The following NCKAP5 variants were observed in gnomAD, a reference collection of about 807,000 sequenced individuals.
The protein encoded by NCKAP5 is nck-associated protein 5.
In NCKAP5, 92 loss-of-function variants were observed where a neutral mutation model predicts 167.0. That is an observed-to-expected ratio of 0.55 (90% confidence interval 0.47 to 0.66). NCKAP5 has a LOEUF of 0.66. Among genes scored for constraint, NCKAP5 ranks in the 30% least tolerant of loss-of-function variants. The probability of loss-of-function intolerance (pLI) is 0.00; values close to 1 mark genes in which losing one functional copy is unlikely to be tolerated. For synonymous variants in NCKAP5, 891 were observed against 877.4 expected (o/e 1.02, Z -0.27); for missense variants, 2,378 against 2,315.0 (o/e 1.03, Z -0.56).
chr2:133,265,472 G>C (rs2089148838), intron 4 of NCKAP5, among the ~76,000 whole-genome samples: 1 of 152,226 alleles, frequency 6.6e-6, no homozygotes, highest in Non-Finnish European at 1.5e-5. Flanking sequence ...GCAGCAGAGA[G>C]GGCCTTGCAC....
intron 3 of NCKAP5, among the ~76,000 whole-genome samples, chr2:133,329,347 A>C (rs1682674389): frequency 6.6e-6 from 1 of 152,166 alleles, no homozygotes; most frequent in African/African-American, 2.4e-5. Context: ...AAGAAGAGGG[A>C]GTACCAAGCA....
chr2:133,059,703 A>G (rs1356990237), intron 6 of NCKAP5, among the ~76,000 whole-genome samples: 1 of 151,988 alleles, frequency 6.6e-6, no homozygotes, highest in Non-Finnish European at 1.5e-5. Context: ...AAGAAAAAGA[A>G]AAAAAAGGTA....
At chr2:132,729,611 G>A (rs994751833) in intron 17 of NCKAP5, among the ~76,000 whole-genome samples, 2 of 152,200 alleles carry the variant, frequency 1.3e-5, no homozygotes, top group African/African-American at 4.8e-5. Flanking sequence ...CAAGCTCCCA[G>A]GTGATGCTGA....
At chr2:133,447,065 A>G (rs760910334) in intron 3 of NCKAP5, among the ~76,000 whole-genome samples, 7 of 152,182 alleles carry the variant, frequency 4.6e-5, no homozygotes, top group Non-Finnish European at 7.3e-5. Context: ...TAGTGACTCT[A>G]TGCGTGGTGG....
intron 3 of NCKAP5, among the ~76,000 whole-genome samples, chr2:133,425,426 C>T (rs1313998447): frequency 1.3e-5 from 2 of 152,000 alleles, no homozygotes; most frequent in Non-Finnish European, 2.9e-5. Context: ...GGGTAGTCAG[C>T]TTATGGATTA....
At chr2:132,837,101 G>A (rs1687945368) in intron 11 of NCKAP5, among the ~76,000 whole-genome samples, 1 of 152,160 alleles carries the variant, frequency 6.6e-6, no homozygotes, top group South Asian at 2.1e-4. Context: ...ATGCTACTGA[G>A]AAATCAGACA....
chr2:132,683,438 C>T, intron 19 of NCKAP5, among the ~76,000 whole-genome samples: 1 of 152,170 alleles, frequency 6.6e-6, no homozygotes, highest in East Asian at 1.9e-4. Flanking sequence ...GGATTCACCT[C>T]CCATGGTCAC....
chr2:133,026,895 C>T (rs1203681223), intron 6 of NCKAP5, among the ~76,000 whole-genome samples: 3 of 152,214 alleles, frequency 2.0e-5, no homozygotes, highest in Non-Finnish European at 2.9e-5. Flanking sequence ...AGACCTCTAG[C>T]ATCACATGCA....
the NCKAP5 span, among the ~76,000 whole-genome samples, chr2:133,626,108 A>AT: frequency 2.0e-5 from 3 of 152,156 alleles, no homozygotes; most frequent in Non-Finnish European, 4.4e-5. Flanking sequence ...CTTTGATAGA[A>AT]TTTTTCACAA....
intron 8 of NCKAP5, among the ~76,000 whole-genome samples, chr2:132,924,296 C>CACAAAAA (rs1695680274): frequency 4.6e-5 from 7 of 152,010 alleles, no homozygotes; most frequent in African/African-American, 9.7e-5. Flanking sequence ...GTACTCTGGG[C>CACAAAAA]CCATAAAATA....
chr2:133,359,755 A>C (rs1309447209), intron 3 of NCKAP5, among the ~76,000 whole-genome samples: 2 of 152,218 alleles, frequency 1.3e-5, no homozygotes, highest in Non-Finnish European at 2.9e-5. Flanking sequence ...TTCTATAATC[A>C]CATCTCTTAA....
Position 132,739,302 on chromosome 2 carries a change from C to T in NCKAP5, c.5129-7251G>A, listed in dbSNP as rs969015043. 5.9e-5 allele frequency among the ~76,000 whole-genome samples: 9 copies of T among 152,144 alleles called. No individual in the cohort carries two copies. The South Asian group carries it at 6.2e-4, about 11-fold the overall frequency. On this transcript the variant is annotated intron_variant, in intron 16 of 19. Transcript: ENST00000409261. ...ACCTCAAAACTCTTGGTATTATTAA[C>T]GTATCTGTCAAAAGAGATTATTATA...
At chr2:133,447,856 A>C (rs960275596) in intron 3 of NCKAP5, among the ~76,000 whole-genome samples, 1 of 152,112 alleles carries the variant, frequency 6.6e-6, no homozygotes, top group African/African-American at 2.4e-5. Context: ...GGCCTTCATC[A>C]GGGTTCTCTA....
chr2:133,265,897 C>G (rs1037206676), intron 4 of NCKAP5, among the ~76,000 whole-genome samples: 1 of 152,132 alleles, frequency 6.6e-6, no homozygotes, highest in South Asian at 2.1e-4. Context: ...CTCCAGTGGC[C>G]CCTAGACACT....
chr2:132,829,100 G>A (rs536960438), intron 11 of NCKAP5, among the ~76,000 whole-genome samples: 2 of 152,312 alleles, frequency 1.3e-5, no homozygotes, highest in East Asian at 3.9e-4. Flanking sequence ...GACAATGTCA[G>A]CTCATCAGAT....
chr2:132,895,816 C>CAAAAAAAAA, intron 8 of NCKAP5, among the ~76,000 whole-genome samples: 1 of 105,248 alleles, frequency 9.5e-6, no homozygotes, highest in Non-Finnish European at 2.0e-5. Flanking sequence ...GAGAAGGACT[C>CAAAAAAAAA]AAAAAAAAAA....
At chr2:133,177,658 C>T (rs1467868410) in intron 5 of NCKAP5, among the ~76,000 whole-genome samples, 1 of 152,094 alleles carries the variant, frequency 6.6e-6, no homozygotes, top group African/African-American at 2.4e-5. Context: ...ATTTTCTAGT[C>T]GAGACTTCCA....
In NCKAP5 at chr2:132,879,011, G is replaced by T. The variant is rs1203816245; in HGVS notation, c.580-95C>A. 4.3e-6 allele frequency: 4 copies of T among 934,296 alleles called. No homozygotes were observed. In the Admixed American group the frequency reaches 5.7e-5, roughly 13 times the overall value. 57.9% of individuals were successfully genotyped at this position (934,296 alleles called of 1,614,324 possible). A position where few individuals can be genotyped will look rare whatever the true frequency, so the allele number is the denominator to read the frequency against. ...ACAGTTACTAAATATATCTCCTCGT[G>T]ATCCAAAACAATCTTTTAGAAGTAC... On this transcript the variant is annotated intron_variant, in intron 8 of 19. Coordinates refer to ENST00000409261, the MANE Select transcript of NCKAP5 (RefSeq NM_207363.3).
chr2:132,916,108 T>C (rs752887230), intron 8 of NCKAP5, among the ~76,000 whole-genome samples: 15 of 151,996 alleles, frequency 9.9e-5, no homozygotes, highest in Non-Finnish European at 2.2e-4. Flanking sequence ...AGAAATTGAC[T>C]GCCAAAGTAA....
Sources: allele counts gnomAD v4.1 joint callset (sites outside exome capture counted in the v4.1 genomes callset), GRCh38; gene constraint gnomAD v4.1.1; transcripts MANE v1.5; gene names NCBI Gene and HGNC (gene_info 2026-07-23, HGNC 2026-07-21).